Variants in ABLIM3 observed in about 807,000 individuals in gnomAD.
The protein encoded by ABLIM3 is actin-binding LIM protein 3.
Under a neutral mutation model 109.5 loss-of-function variants are expected in ABLIM3, and 61 were observed. That is an observed-to-expected ratio of 0.56 (90% CI 0.45 to 0.69). The LOEUF is 0.69. ABLIM3 is among the 30% of genes least tolerant of loss of function. The pLI is 0.00. For missense variants in ABLIM3, 796 were observed against 889.5 expected (o/e 0.89, Z 1.34); for synonymous variants, 300 against 324.8 (o/e 0.92, Z 0.82).
chr5:149,176,289 AT>A, intron 2 of ABLIM3, among the ~76,000 whole-genome samples: 1 of 152,228 alleles, frequency 6.6e-6, no homozygotes, highest in Non-Finnish European at 1.5e-5. Flanking sequence ...TGCTCTTCCT[AT>A]TTCCTGGCCT....
chr5:149,177,937 G>A (rs545975166), intron 2 of ABLIM3, among the ~76,000 whole-genome samples: 43 of 152,254 alleles, frequency 2.8e-4, no homozygotes, highest in African/African-American at 8.7e-4. Flanking sequence ...AAACTGAGGC[G>A]GGGTTTATGT....
chr5:149,247,526 G>A (rs997297746), intron 17 of ABLIM3: 2 of 653,560 alleles, frequency 3.1e-6, no homozygotes, highest in African/African-American at 3.6e-5. Flanking sequence ...CCAAGACAAT[G>A]GGATCCTGTC....
chr5:149,249,692 C>T (rs1243936167), intron 18 of ABLIM3, 123 bp from the exon 19 acceptor site: 1 of 1,104,480 alleles, frequency 9.1e-7, no homozygotes, highest in Admixed American at 1.8e-5. Context: ...CTGCAGGAGG[C>T]CCCTTTTCCC....
At chr5:149,192,284 T>A (rs768845357) in intron 3 of ABLIM3, among the ~76,000 whole-genome samples, 7 of 151,856 alleles carry the variant, frequency 4.6e-5, no homozygotes, top group Non-Finnish European at 8.8e-5. Flanking sequence ...AATCTACAAT[T>A]TAGTAAAATC....
At chr5:149,183,392 G>A in intron 2 of ABLIM3, 60 bp from the exon 3 acceptor site, 1 of 1,451,230 alleles carries the variant, frequency 6.9e-7, no homozygotes, top group South Asian at 1.5e-5. Context: ...ATAATGTCTT[G>A]CAGCAGACTT....
intron 9 of ABLIM3, among the ~76,000 whole-genome samples, chr5:149,232,297 C>T (rs915365282): frequency 2.0e-5 from 3 of 152,150 alleles, no homozygotes; most frequent in Non-Finnish European, 4.4e-5. Flanking sequence ...CAGAGCGAGA[C>T]TCTGTCTCAA....
At position 149,205,860 on chromosome 5, in the gene ABLIM3, T is replaced by TC. The variant is rs540729853; in HGVS notation, c.449-1144dup. On this transcript the variant is annotated intron_variant, in intron 5 of 23. Transcript: ENST00000309868. ...AACACTTCATCAAGGCCCCAGACCC[T>TC]CCCCACAGCCGGCTGGACCCACCAC... is the stretch of plus-strand genomic sequence containing the variant. Among the ~76,000 whole-genome samples the TC allele has an allele frequency of 3.1e-3, 474 of 152,196 alleles. 4 individuals are homozygous for TC. Among genetic ancestry groups the TC allele is most frequent in the African/African-American group, 0.011 (448 of 41,538 alleles).
chr5:149,247,536 C>G (rs192131234), intron 17 of ABLIM3: 1 of 667,946 alleles, frequency 1.5e-6, no homozygotes, highest in Non-Finnish European at 2.7e-6. Context: ...GGGATCCTGT[C>G]ACTGGCCAGG....
chr5:149,215,186 G>T (rs570276444), intron 7 of ABLIM3, among the ~76,000 whole-genome samples: 5 of 152,262 alleles, frequency 3.3e-5, no homozygotes, highest in African/African-American at 1.2e-4. Flanking sequence ...TGGAAAACAG[G>T]TCTATAATCA....
chr5:149,255,952 A>G (rs2127578080), intron 23 of ABLIM3, among the ~76,000 whole-genome samples: 1 of 152,310 alleles, frequency 6.6e-6, no homozygotes, highest in East Asian at 1.9e-4. Context: ...GGATGCTCCC[A>G]TTTTCCAGAA....
At chr5:149,230,523 A>C in intron 8 of ABLIM3, 126 bp from the exon 9 acceptor site, 1 of 983,216 alleles carries the variant, frequency 1.0e-6, no homozygotes, top group Non-Finnish European at 1.6e-6. Flanking sequence ...TGGGAAAGCC[A>C]AGAGGGCCCT....
chr5:149,204,598 C>A (rs1758790145), intron 5 of ABLIM3, among the ~76,000 whole-genome samples: 1 of 152,190 alleles, frequency 6.6e-6, no homozygotes, highest in Non-Finnish European at 1.5e-5. Flanking sequence ...GGGTAATGCA[C>A]AGAATGTGGG....
At chr5:149,226,389 G>T (rs1287336695) in intron 8 of ABLIM3, among the ~76,000 whole-genome samples, 1 of 152,086 alleles carries the variant, frequency 6.6e-6, no homozygotes, top group South Asian at 2.1e-4. Flanking sequence ...GGAGGCTGAG[G>T]CAGGAGAATC....
At chr5:149,161,617 T>C (rs981742377) in intron 2 of ABLIM3, among the ~76,000 whole-genome samples, 1 of 152,210 alleles carries the variant, frequency 6.6e-6, no homozygotes. Flanking sequence ...AGGGGTATTC[T>C]GGCAGTATTT....
chr5:149,235,301 T>C (rs1762242415), intron 10 of ABLIM3, among the ~76,000 whole-genome samples: 1 of 152,244 alleles, frequency 6.6e-6, no homozygotes, highest in African/African-American at 2.4e-5. Context: ...TGGATTTTAA[T>C]TTAGTTTTAA....
intron 11 of ABLIM3, 46 bp downstream of exon 11, chr5:149,237,649 A>C: frequency 6.2e-7 from 1 of 1,608,840 alleles, no homozygotes; most frequent in Non-Finnish European, 8.5e-7. Flanking sequence ...AGGAAAGGAG[A>C]TTGCTCTGGG....
At chr5:149,176,491 C>G (rs975686837) in intron 2 of ABLIM3, among the ~76,000 whole-genome samples, 3 of 152,044 alleles carry the variant, frequency 2.0e-5, no homozygotes, top group African/African-American at 7.2e-5. Context: ...GGTAAGAGCC[C>G]GGGTTTGAAA....
Position 149,259,416 on chromosome 5 carries a change from A to G in ABLIM3, c.*1012A>G, listed in dbSNP as rs908694761. 29 of 1,506,230 alleles carry G rather than the reference A, an allele frequency of 1.9e-5. No individual in the cohort carries two copies. Among genetic ancestry groups the G allele is most frequent in the African/African-American group, 1.8e-4 (13 of 72,408 alleles). The allele number at this position is 1,506,230 out of a possible 1,614,324, so 93.3% of individuals were successfully genotyped here. ...AGACAGACAACTCTCATCATCCTCCAGAGAGAAAATAGGCCGTGTCTCAAA... is the reference window on the plus strand; with the variant it reads ...AGACAGACAACTCTCATCATCCTCCGGAGAGAAAATAGGCCGTGTCTCAAA... On this transcript the variant is annotated 3_prime_UTR_variant, in exon 24 of 24. Coordinates refer to ENST00000309868, the MANE Select transcript of ABLIM3 (RefSeq NM_014945.5).
intron 8 of ABLIM3, among the ~76,000 whole-genome samples, chr5:149,225,941 G>T (rs57332230): frequency 8.6e-6 from 1 of 116,456 alleles, no homozygotes; most frequent in Non-Finnish European, 1.7e-5. Context: ...ATATATATAT[G>T]TATGTATGTA....
Sources: gnomAD v4.1 joint callset for allele counts (sites outside exome capture counted in the v4.1 genomes callset) on GRCh38, gnomAD v4.1.1 for gene constraint, MANE v1.5 for transcripts, NCBI Gene and HGNC (gene_info 2026-07-23, HGNC 2026-07-21) for gene names.